Variants in UGT2B17 observed in about 807,000 individuals in gnomAD.
UGT2B17 encodes UDP glucuronosyltransferase family 2 member B17, also known as UDP-glucuronosyltransferase 2B17.
A neutral mutation model predicts 48.2 loss-of-function variants in UGT2B17; 21 were observed. That is an observed-to-expected ratio of 0.44 (90% CI 0.31 to 0.63). UGT2B17 has a LOEUF of 0.63. UGT2B17 is among the 20% of genes least tolerant of loss of function. UGT2B17 has a pLI of 0.08. For missense variants in UGT2B17, 402 were observed against 696.1 expected (o/e 0.58, Z 4.75); for synonymous variants, 146 against 238.4 (o/e 0.61, Z 3.57).
chr4:68,555,321 G>C lies in UGT2B17; in HGVS notation c.1006-3410C>G, dbSNP rs141990675. Among the ~76,000 whole-genome samples the C allele has an allele frequency of 3.8e-3, 480 of 126,200 alleles. 199 individuals carry two copies. The East Asian group carries it at 0.26, about 69-fold the overall frequency. The allele number at this position is 126,200 out of a possible 152,430, so 82.8% of individuals were successfully genotyped here. ...TTTAATAAATAAGACATTAATATTG[G>C]TTTAATGCAAATAGCTACACCTTGA... On this transcript the variant is annotated intron_variant, in intron 4 of 6. Coordinates refer to ENST00000317746, the MANE Select transcript of UGT2B17 (RefSeq NM_001077.4).
intron 4 of UGT2B17, among the ~76,000 whole-genome samples, chr4:68,555,965 T>C (rs1260184324): frequency 9.1e-6 from 1 of 110,240 alleles, no homozygotes; most frequent in Non-Finnish European, 1.9e-5. Context: ...AGAGAAATAA[T>C]TTTATATGAG....
chr4:68,557,275 G>T (rs1444499225), intron 4 of UGT2B17, among the ~76,000 whole-genome samples: 5 of 124,822 alleles, frequency 4.0e-5, no homozygotes, highest in African/African-American at 1.1e-4. Context: ...ATTGTTGTCT[G>T]ACTTTGGTCC....
At chr4:68,543,656 A>G (rs1560574898) in intron 6 of UGT2B17, among the ~76,000 whole-genome samples, 1 of 124,390 alleles carries the variant, frequency 8.0e-6, no homozygotes, top group Non-Finnish European at 1.7e-5. Context: ...GGAAGTTCGA[A>G]CCGAAGGCAA....
chr4:68,565,798 T>A lies in UGT2B17; in HGVS notation c.725-78A>T. ...TTTTAATATTGAATATGCAGGTATT[T>A]TCCTGAAAGGACTTGGAATAACATA... On this transcript the variant is annotated intron_variant, in intron 2 of 6. Transcript: ENST00000317746. 1.6e-6 allele frequency: 2 copies of A among 1,230,702 alleles called. 1 individual carries two copies. Among genetic ancestry groups the A allele is most frequent in the Non-Finnish European group, 2.1e-6 (2 of 968,700 alleles). 76.2% of individuals were successfully genotyped at this position (1,230,702 alleles called of 1,614,324 possible).
rs1490819503 is a variant in UGT2B17 at position 68,544,408 on chromosome 4, AC to A, written c.1313+6268del. Among the ~76,000 whole-genome samples, 2 of 125,994 alleles carry A rather than the reference AC, an allele frequency of 1.6e-5. 1 individual carries two copies. Among genetic ancestry groups the A allele is most frequent in the East Asian group, 1.5e-3 (2 of 1,318 alleles). The allele number at this position is 125,994 out of a possible 152,430, so 82.7% of individuals were successfully genotyped here. A position where few individuals can be genotyped will look rare whatever the true frequency, so the allele number is the denominator to read the frequency against. On this transcript the variant is annotated intron_variant, in intron 6 of 6. Transcript: ENST00000317746. Reference sequence around the variant, plus strand: ...CAAGCAAATGCTGAGAGATTTTGTCACCACCAGGCCTGCCCTAAAAGAGCTC... The same window carrying A: ...CAAGCAAATGCTGAGAGATTTTGTCACACCAGGCCTGCCCTAAAAGAGCTC...
rs1209092996 is a variant in UGT2B17, at chr4:68,568,295, C to G, written c.190G>C (p.Val64Leu). 1.5e-6 allele frequency: 2 copies of G among 1,377,238 alleles called. 1 individual carries two copies. Among genetic ancestry groups the G allele is most frequent in the Non-Finnish European group, 1.9e-6 (2 of 1,054,448 alleles). The allele number at this position is 1,377,238 out of a possible 1,614,324, so 85.3% of individuals were successfully genotyped here. A position where few individuals can be genotyped will look rare whatever the true frequency, so the allele number is the denominator to read the frequency against. Residue 64 changes from valine to leucine, a missense_variant, in exon 2 of 7, where the codon GTC becomes CTC. Val to Leu is a conservative substitution (Grantham distance 32). This residue lies in a region of UGT2B17 where 51 missense variants were observed against 108.7 expected (regional missense o/e 0.47). Coordinates refer to ENST00000317746, the MANE Select transcript of UGT2B17 (RefSeq NM_001077.4). The stretch of plus-strand genomic sequence containing the variant: ...ATAGCAGATGATTTACTGGCATTGA[C>G]AAGAATAGAAGCCGAAGATGTCAAC... Reference protein sequence around the residue: ...IVLTSSASILVNASKSSAIKL... With the variant: ...IVLTSSASILLNASKSSAIKL...
chr4:68,548,262 C>T (rs1730854898), intron 6 of UGT2B17, among the ~76,000 whole-genome samples: 1 of 125,842 alleles, frequency 7.9e-6, no homozygotes, highest in African/African-American at 2.7e-5. Flanking sequence ...ATGATGAGTT[C>T]ATGTCCTTTG....
chr4:68,574,564 T>A (rs1731340629), intron 1 of UGT2B17, among the ~76,000 whole-genome samples: 1 of 126,062 alleles, frequency 7.9e-6, no homozygotes, highest in Non-Finnish European at 1.7e-5. Flanking sequence ...ACACACAGAA[T>A]TTTCTTTAAA....
At chr4:68,544,061 A>T (rs1730744171) in intron 6 of UGT2B17, among the ~76,000 whole-genome samples, 1 of 126,206 alleles carries the variant, frequency 7.9e-6, no homozygotes, top group Admixed American at 8.1e-5. Flanking sequence ...GCTGACATTC[A>T]AATTCAAGAC....
chr4:68,568,018 G>A lies in UGT2B17; in HGVS notation c.467C>T (p.Pro156Leu), dbSNP rs754467008. ...TAGCTCAGCCAGCAGCTCACCACAG[G>A]GATTAACGGCATCTGCCAGAAGGAC... is the stretch of plus-strand genomic sequence containing the variant. ...FDVLLADAVN[P>L]CGELLAELLN... is the part of the protein sequence containing the mutation. Residue 156 changes from proline (P) to leucine (L), a missense_variant, in exon 2 of 7, where the codon CCC (proline) becomes CTC (leucine). This residue lies in a region of UGT2B17 where 84 missense variants were observed against 92.6 expected (regional missense o/e 0.91). Transcript: ENST00000317746. 5.8e-6 allele frequency: 8 copies of A among 1,381,652 alleles called. 2 individuals are homozygous for A. The highest frequency in any genetic ancestry group is 7.6e-6 in the Non-Finnish European group (8 of 1,055,152). The allele number at this position is 1,381,652 out of a possible 1,614,324, so 85.6% of individuals were successfully genotyped here. A position where few individuals can be genotyped will look rare whatever the true frequency, so the allele number is the denominator to read the frequency against.
rs1486621001 is a variant in UGT2B17 at position 68,540,580 on chromosome 4, C to G, written c.1314-2676G>C. Among the ~76,000 whole-genome samples, 3 of 126,930 alleles carry G rather than the reference C, an allele frequency of 2.4e-5. 1 individual carries two copies. Among genetic ancestry groups the G allele is most frequent in the Non-Finnish European group, 5.0e-5 (3 of 59,726 alleles). 83.3% of individuals were successfully genotyped at this position (126,930 alleles called of 152,430 possible). Reference sequence around the variant, plus strand: ...GACCTCGTGATCTGCCCTCCTCAGCCACCCAAAGTGCTGGGATTACAGGCT... The same window carrying G: ...GACCTCGTGATCTGCCCTCCTCAGCGACCCAAAGTGCTGGGATTACAGGCT... On this transcript the variant is annotated intron_variant, in intron 6 of 6. Coordinates refer to ENST00000317746, the MANE Select transcript of UGT2B17 (RefSeq NM_001077.4).
chr4:68,572,875 C>T (rs951855462), intron 1 of UGT2B17, among the ~76,000 whole-genome samples: 2 of 125,968 alleles, frequency 1.6e-5, no homozygotes, highest in African/African-American at 5.4e-5. Context: ...TCTTCAGAGT[C>T]ATTTTGCAGG....
At position 68,553,270 on chromosome 4, in the gene UGT2B17, A is replaced by T. The variant is rs780669806; in HGVS notation, c.1006-1359T>A. Among the ~76,000 whole-genome samples the T allele has an allele frequency of 2.8e-4, 35 of 126,130 alleles. 9 individuals carry two copies. The highest frequency in any genetic ancestry group is 4.1e-4 in the Admixed American group (5 of 12,316). The allele number at this position is 126,130 out of a possible 152,430, so 82.7% of individuals were successfully genotyped here. A position where few individuals can be genotyped will look rare whatever the true frequency, so the allele number is the denominator to read the frequency against. On this transcript the variant is annotated intron_variant, in intron 4 of 6. Coordinates refer to ENST00000317746, the MANE Select transcript of UGT2B17 (RefSeq NM_001077.4). Reference sequence around the variant, plus strand: ...AAATTCTTCACAGATGCAAAAGAGAAAACAAAACAAAACCTAAAAACCATG... The same window carrying T: ...AAATTCTTCACAGATGCAAAAGAGATAACAAAACAAAACCTAAAAACCATG...
chr4:68,554,526 G>T (rs776502803), intron 4 of UGT2B17, among the ~76,000 whole-genome samples: 1 of 125,100 alleles, frequency 8.0e-6, no homozygotes, highest in Non-Finnish European at 1.7e-5. Flanking sequence ...GTTTTTGTCT[G>T]CAAGCTGGTG....
At chr4:68,558,577 C>G (rs149673217) in intron 4 of UGT2B17, among the ~76,000 whole-genome samples, 1,592 of 125,500 alleles carry the variant, frequency 0.013, 322 homozygotes, top group African/African-American at 0.041. Flanking sequence ...TTGTTTTTCT[C>G]ACTTCCTCCC....
In UGT2B17 at chr4:68,549,192, A is replaced by G; in HGVS notation, c.1313+1485T>C. 1.6e-5 allele frequency among the ~76,000 whole-genome samples: 2 copies of G among 124,420 alleles called. 1 individual carries two copies. The highest frequency in any genetic ancestry group is 3.4e-5 in the Non-Finnish European group (2 of 59,148). 81.6% of individuals were successfully genotyped at this position (124,420 alleles called of 152,430 possible). A position where few individuals can be genotyped will look rare whatever the true frequency, so the allele number is the denominator to read the frequency against. On this transcript the variant is annotated intron_variant, in intron 6 of 6. Coordinates refer to ENST00000317746, the MANE Select transcript of UGT2B17 (RefSeq NM_001077.4). ...CTTAGCTGGTACCACCTTACATCAT[A>G]ATAATATTGGTAGGATTAATAGACT...
At chr4:68,541,689 T>C (rs968858845) in intron 6 of UGT2B17, among the ~76,000 whole-genome samples, 1 of 126,902 alleles carries the variant, frequency 7.9e-6, no homozygotes, top group African/African-American at 2.7e-5. Context: ...TTGTAATTGC[T>C]TTTGGTGTTT....
chr4:68,551,962 T>C lies in UGT2B17; in HGVS notation c.1006-51A>G. On this transcript the variant is annotated intron_variant, in intron 4 of 6. Transcript: ENST00000317746. Reference sequence around the variant, plus strand: ...TTCAATGAATAGAACTCTAAAAATATAACTTGTTAGAATTCTGAAGAGATT... The same window carrying C: ...TTCAATGAATAGAACTCTAAAAATACAACTTGTTAGAATTCTGAAGAGATT... 2 of 1,167,924 alleles carry C rather than the reference T, an allele frequency of 1.7e-6. 1 individual carries two copies. The highest frequency in any genetic ancestry group is 2.3e-6 in the Non-Finnish European group (2 of 886,366). The allele number at this position is 1,167,924 out of a possible 1,614,324, so 72.3% of individuals were successfully genotyped here. A position where few individuals can be genotyped will look rare whatever the true frequency, so the allele number is the denominator to read the frequency against.
At chr4:68,550,395 C>G (rs1049188292) in intron 6 of UGT2B17, among the ~76,000 whole-genome samples, 2 of 124,650 alleles carry the variant, frequency 1.6e-5, no homozygotes. Context: ...TACATAATTT[C>G]TATTGTGTAT....
Sources: gnomAD v4.1 joint callset for allele counts (sites outside exome capture counted in the v4.1 genomes callset) on GRCh38, gnomAD v4.1.1 for gene constraint, gnomAD v4.1.1 regional missense constraint, MANE v1.5 for transcripts, NCBI Gene and HGNC (gene_info 2026-07-23, HGNC 2026-07-21) for gene names.